The following BRWD1 variants were observed in gnomAD, a reference collection of about 807,000 sequenced individuals.
The protein encoded by BRWD1 is bromodomain and WD repeat-containing protein 1.
In BRWD1, 82 loss-of-function variants were observed where a neutral mutation model predicts 251.2. That is an observed-to-expected ratio of 0.33 (90% CI 0.27 to 0.39). The LOEUF (loss-of-function observed/expected upper bound fraction) is 0.39. Ranked by LOEUF, BRWD1 falls within the 10% of genes least tolerant of loss-of-function variation. The probability of loss-of-function intolerance (pLI) is 1.00; values close to 1 mark genes in which losing one functional copy is unlikely to be tolerated. For missense variants in BRWD1, 2,233 were observed against 2,711.6 expected (o/e 0.82, Z 3.92); for synonymous variants, 918 against 902.8 (o/e 1.02, Z -0.30).
chr21:39,272,141 A>G (rs2035132025), intron 13 of BRWD1, among the ~76,000 whole-genome samples: 1 of 151,500 alleles, frequency 6.6e-6, no homozygotes, highest in Non-Finnish European at 1.5e-5. Flanking sequence ...TAATATTAAG[A>G]AGTAAAATGG....
chr21:39,210,295 G>A, intron 35 of BRWD1, 148 bp from the exon 36 acceptor site: 2 of 648,980 alleles, frequency 3.1e-6, no homozygotes, highest in Non-Finnish European at 5.0e-6. Flanking sequence ...TTAAAAAGAG[G>A]TATAAAAACA....
intron 17 of BRWD1, among the ~76,000 whole-genome samples, chr21:39,260,843 A>G (rs558830729): frequency 1.3e-5 from 2 of 152,364 alleles, no homozygotes; most frequent in East Asian, 3.9e-4. Context: ...ATGTTAAAAT[A>G]CGCAGGACTG....
intron 36 of BRWD1, among the ~76,000 whole-genome samples, chr21:39,207,487 C>CACACACACA (rs1453453078): frequency 8.2e-5 from 12 of 146,496 alleles, no homozygotes; most frequent in African/African-American, 3.0e-4. Flanking sequence ...CACACACAAA[C>CACACACACA]AAAACTCCAA....
intron 8 of BRWD1, among the ~76,000 whole-genome samples, chr21:39,284,887 G>A (rs2035584554): frequency 6.6e-6 from 1 of 152,072 alleles, no homozygotes; most frequent in African/African-American, 2.4e-5. Context: ...GATCTATATT[G>A]TTTGTTTCCT....
At chr21:39,225,910 A>G (rs1168387340) in intron 27 of BRWD1, among the ~76,000 whole-genome samples, 1 of 152,138 alleles carries the variant, frequency 6.6e-6, no homozygotes, top group Admixed American at 6.6e-5. Flanking sequence ...AAACCACACC[A>G]TGATTTTATC....
At position 39,214,879 on chromosome 21, in the gene BRWD1, C is replaced by T. The variant is rs866952627; in HGVS notation, c.3785+358G>A. On this transcript the variant is annotated intron_variant, in intron 32 of 40. Transcript: ENST00000342449. ...AAACAAAACTAGATGATTTTTTTTT[C>T]CTTTTTTTTTTTTTTTCTGGAGACA... Among the ~76,000 whole-genome samples the T allele has an allele frequency of 3.2e-3, 228 of 70,520 alleles. 3 individuals carry two copies. The highest frequency in any genetic ancestry group is 0.018 in the South Asian group (40 of 2,184). The allele number at this position is 70,520 out of a possible 152,430, so 46.3% of individuals were successfully genotyped here.
Position 39,225,128 on chromosome 21 carries a change from T to C in BRWD1, c.3278A>G (p.Gln1093Arg). 1 of 1,613,428 alleles carries C rather than the reference T, an allele frequency of 6.2e-7. No individual in the cohort carries two copies. ...FGTVLSQEPY[Q>R]PQYPDSHFQC... ...GAAATGACTATCAGGATACTGTGGTTGATATGGCTCTTGACTTAACACTGT... is the reference window on the plus strand; with the variant it reads ...GAAATGACTATCAGGATACTGTGGTCGATATGGCTCTTGACTTAACACTGT... The change falls in exon 28 of 41, where the codon CAA (glutamine) becomes CGA (arginine). Residue 1093 changes from glutamine to arginine, a missense_variant. Physicochemically the swap from Gln to Arg is conservative, Grantham distance 43 (BLOSUM62 1). This residue lies in a region of BRWD1 where 139 missense variants were observed against 272.8 expected (regional missense o/e 0.51). Coordinates refer to ENST00000342449, the MANE Select transcript of BRWD1 (RefSeq NM_033656.4).
chr21:39,280,285 C>G, intron 8 of BRWD1, 37 bp from the exon 9 acceptor site: 1 of 1,488,666 alleles, frequency 6.7e-7, no homozygotes. Flanking sequence ...GTTTCCAGAA[C>G]TTCTACTTAA....
At chr21:39,270,522 T>C (rs1162522973) in intron 13 of BRWD1, 89 bp from the exon 14 acceptor site, 1 of 1,130,466 alleles carries the variant, frequency 8.8e-7, no homozygotes, top group Admixed American at 2.9e-5. Context: ...AATAAAGAAA[T>C]CCAACCCATG....
At position 39,198,998 on chromosome 21, in the gene BRWD1, A is replaced by C; in HGVS notation, c.5418T>G (p.Phe1806Leu). The C allele has an allele frequency of 1.9e-6, 3 of 1,614,078 alleles. No homozygotes were observed. The highest frequency in any genetic ancestry group is 2.5e-6 in the Non-Finnish European group (3 of 1,180,020). Reference sequence around the variant, plus strand: ...TTTTAAAGAAACTCGCATTCTTGTGAAATGTATTGTATTTCCTACCACCAG... The same window carrying C: ...TTTTAAAGAAACTCGCATTCTTGTGCAATGTATTGTATTTCCTACCACCAG... Reference protein sequence around the residue: ...GRSGGRKYNTFHKNASFFKKT... With the variant: ...GRSGGRKYNTLHKNASFFKKT... The change falls in exon 40 of 41, where the codon TTT (phenylalanine) becomes TTG (leucine). Residue 1806 changes from phenylalanine (F) to leucine (L), a missense_variant. Physicochemically the swap from Phe to Leu is conservative, Grantham distance 22. This residue lies in a region of BRWD1 where 928 missense variants were observed against 970.0 expected (regional missense o/e 0.96). Coordinates refer to ENST00000342449, the MANE Select transcript of BRWD1 (RefSeq NM_033656.4).
At chr21:39,273,091 T>C (rs1000970075) in intron 13 of BRWD1, among the ~76,000 whole-genome samples, 1 of 152,236 alleles carries the variant, frequency 6.6e-6, no homozygotes, top group African/African-American at 2.4e-5. Context: ...AAGAAAATTA[T>C]AGGAAAAGTC....
intron 19 of BRWD1, among the ~76,000 whole-genome samples, chr21:39,254,134 C>A (rs1354417789): frequency 6.6e-6 from 1 of 152,076 alleles, no homozygotes; most frequent in Admixed American, 6.5e-5. Context: ...GGCGTGGTGG[C>A]GCATGCCTGT....
At chr21:39,231,857 T>C (rs2033628916) in intron 25 of BRWD1, among the ~76,000 whole-genome samples, 2 of 152,228 alleles carry the variant, frequency 1.3e-5, no homozygotes, top group African/African-American at 2.4e-5. Context: ...TTTTGAAAAC[T>C]TGCATTTCTT....
At position 39,193,245 on chromosome 21, in the gene BRWD1, T is replaced by G; in HGVS notation, c.*3014A>C. 1.0e-6 allele frequency: 1 copy of G among 971,180 alleles called. No individual in the cohort carries two copies. Among genetic ancestry groups the G allele is most frequent in the Non-Finnish European group, 1.2e-6 (1 of 816,634 alleles). 60.2% of individuals were successfully genotyped at this position (971,180 alleles called of 1,614,324 possible). The stretch of plus-strand genomic sequence containing the variant: ...CCTTTCTGTTGTAATTTACAAGCTG[T>G]GAGTAACTGCTATATCATTGTTTCC... On this transcript the variant is annotated 3_prime_UTR_variant, in exon 41 of 41. Coordinates refer to ENST00000342449, the MANE Select transcript of BRWD1 (RefSeq NM_033656.4).
At chr21:39,241,387 G>A (rs2033986505) in intron 21 of BRWD1, among the ~76,000 whole-genome samples, 1 of 138,504 alleles carries the variant, frequency 7.2e-6, no homozygotes, top group Non-Finnish European at 1.5e-5. Flanking sequence ...AGAATCGCTT[G>A]AACCCAGGAG....
chr21:39,220,902 A>C (rs1365063061), intron 29 of BRWD1, among the ~76,000 whole-genome samples: 4 of 152,188 alleles, frequency 2.6e-5, no homozygotes, highest in Admixed American at 2.6e-4. Context: ...TCATGCCTGT[A>C]ATCCTAGCAC....
chr21:39,289,941 C>T (rs543804245), intron 8 of BRWD1, among the ~76,000 whole-genome samples: 2 of 150,464 alleles, frequency 1.3e-5, no homozygotes, highest in Non-Finnish European at 1.5e-5. Flanking sequence ...AGGAGAATGG[C>T]GTGAACCCGG....
At chr21:39,271,020 C>T (rs1366424507) in intron 13 of BRWD1, among the ~76,000 whole-genome samples, 2 of 152,204 alleles carry the variant, frequency 1.3e-5, no homozygotes, top group Non-Finnish European at 2.9e-5. Flanking sequence ...GAGGGCCAGA[C>T]ACGGTGGCTC....
In BRWD1 at chr21:39,238,403, G is replaced by A. The variant is rs1049756077; in HGVS notation, c.2576+76C>T. 7.1e-5 allele frequency: 86 copies of A among 1,219,560 alleles called. No homozygotes were observed. In the East Asian group the frequency reaches 1.9e-3, roughly 27 times the overall value. The allele number at this position is 1,219,560 out of a possible 1,614,324, so 75.5% of individuals were successfully genotyped here. On this transcript the variant is annotated intron_variant, in intron 22 of 40. Coordinates refer to ENST00000342449, the MANE Select transcript of BRWD1 (RefSeq NM_033656.4). ...CCACAGTTGCAAATTCTTGCCTCTT[G>A]AATAAAATTCAAGTATGATTCCATC...
Sources: allele counts gnomAD v4.1 joint callset (sites outside exome capture counted in the v4.1 genomes callset), GRCh38; gene constraint gnomAD v4.1.1; regional missense constraint gnomAD v4.1.1; transcripts MANE v1.5; gene names NCBI Gene and HGNC (gene_info 2026-07-23, HGNC 2026-07-21).